The following CD83 variants were observed in gnomAD, a reference collection of about 807,000 sequenced individuals.
CD83 encodes the protein CD83 molecule.
Under a neutral mutation model 24.6 loss-of-function variants are expected in CD83, and 22 were observed. That is an observed-to-expected ratio of 0.90 (90% confidence interval 0.64 to 1.28). The LOEUF is 1.28. Among genes scored for constraint, CD83 ranks in the 50% most tolerant of loss-of-function variants. CD83 has a pLI of 0.00. For synonymous variants in CD83, 101 were observed against 103.5 expected (o/e 0.98, Z 0.14); for missense variants, 253 against 252.8 (o/e 1.00, Z -0.01).
At chr6:14,120,730 A>G (rs1426574068) in intron 2 of CD83, among the ~76,000 whole-genome samples, 1 of 152,248 alleles carries the variant, frequency 6.6e-6, no homozygotes, top group Non-Finnish European at 1.5e-5. Flanking sequence ...CTCCGGCACC[A>G]TGTAGCATCT....
chr6:14,131,729 G>C lies in CD83; in HGVS notation c.363G>C (p.Lys121Asn). 5.0e-6 allele frequency: 8 copies of C among 1,613,582 alleles called. No homozygotes were observed. Among genetic ancestry groups the C allele is most frequent in the Non-Finnish European group, 6.8e-6 (8 of 1,179,498 alleles). The change falls in exon 3 of 5, where the codon AAG becomes AAC. Residue 121 changes from lysine to asparagine, a missense_variant. Transcript: ENST00000379153. ...ATGGGCAGAGAAACCTAAGTGGCAA[G>C]GTGATCTTGAGAGTGACAGGTGAGG... is the stretch of plus-strand genomic sequence containing the variant. ...DPDGQRNLSG[K>N]VILRVTGCPA... is the part of the protein sequence containing the mutation.
intron 2 of CD83, among the ~76,000 whole-genome samples, chr6:14,128,268 C>T (rs2113396947): frequency 6.6e-6 from 1 of 152,298 alleles, no homozygotes; most frequent in African/African-American, 2.4e-5. Flanking sequence ...AGCTGCCTGG[C>T]CACGTATCTG....
In CD83 at chr6:14,117,806, C is replaced by T. The variant is rs1759568283; in HGVS notation, c.-6C>T. On this transcript the variant is annotated 5_prime_UTR_variant, in exon 1 of 5. Transcript: ENST00000379153. This position sits in a 1 kb window ranked among gnomAD's most constrained non-coding sequence, Gnocchi z 4.6. ...CAGCTCGTGGCAGCGGCGCAGCGCT[C>T]CAGCCATGTCGCGCGGCCTCCAGCT... 10 of 1,550,060 alleles carry T rather than the reference C, an allele frequency of 6.5e-6. No individual in the cohort carries two copies. The highest frequency in any genetic ancestry group is 8.7e-6 in the Non-Finnish European group (10 of 1,155,036).
At chr6:14,131,798 T>C in intron 3 of CD83, 50 bp downstream of exon 3, 1 of 1,231,190 alleles carries the variant, frequency 8.1e-7, no homozygotes, top group Non-Finnish European at 1.2e-6. Context: ...GCATGTGTAC[T>C]TCCTTTAGGT....
At position 14,135,405 on chromosome 6, in the gene CD83, C is replaced by A; in HGVS notation, c.*169C>A. 1 of 679,348 alleles carries A rather than the reference C, an allele frequency of 1.5e-6. No homozygotes were observed. The highest frequency in any genetic ancestry group is 2.9e-5 in the Admixed American group (1 of 34,120). The allele number at this position is 679,348 out of a possible 1,614,324, so 42.1% of individuals were successfully genotyped here. On this transcript the variant is annotated 3_prime_UTR_variant, in exon 5 of 5. Coordinates refer to ENST00000379153, the MANE Select transcript of CD83 (RefSeq NM_004233.4). ...TCCCACCCCATTTTCTGTGGGCAGG[C>A]CTCGAAAACCATCACATGACCACAT...
rs1228539502 is a variant in CD83 at position 14,136,210 on chromosome 6, T to A, written c.*974T>A. 1 of 152,212 alleles carries A rather than the reference T, an allele frequency of 6.6e-6. No homozygotes were observed. Among genetic ancestry groups the A allele is most frequent in the Admixed American group, 6.5e-5 (1 of 15,280 alleles). The allele number at this position is 152,212 out of a possible 1,614,324, so 9.4% of individuals were successfully genotyped here. ...TACGTGAAAATTATTTGAAAACATA[T>A]AAAGCACTATACAGATTCGAAACTC... On this transcript the variant is annotated 3_prime_UTR_variant, in exon 5 of 5. Coordinates refer to ENST00000379153, the MANE Select transcript of CD83 (RefSeq NM_004233.4).
chr6:14,125,185 A>G (rs969857778), intron 2 of CD83, among the ~76,000 whole-genome samples: 2 of 152,178 alleles, frequency 1.3e-5, no homozygotes, highest in African/African-American at 2.4e-5. Flanking sequence ...ATACATTTCT[A>G]TTGTTTCAGC....
intron 2 of CD83, among the ~76,000 whole-genome samples, chr6:14,131,292 A>G (rs1757892198): frequency 6.6e-6 from 1 of 152,182 alleles, no homozygotes; most frequent in Non-Finnish European, 1.5e-5. Context: ...GGAAATTGGG[A>G]TACTTATGAT....
Position 14,136,187 on chromosome 6 carries a change from C to T in CD83, c.*951C>T, listed in dbSNP as rs771243517. ...TGCATGGGCTAATGAAGATCATATA[C>T]GTGAAAATTATTTGAAAACATATAA... On this transcript the variant is annotated 3_prime_UTR_variant, in exon 5 of 5. Transcript: ENST00000379153. 1.1e-4 allele frequency: 16 copies of T among 152,320 alleles called. No homozygotes were observed. Among genetic ancestry groups the T allele is most frequent in the Middle Eastern group, 3.4e-3 (1 of 294 alleles). The allele number at this position is 152,320 out of a possible 1,614,324, so 9.4% of individuals were successfully genotyped here.
Position 14,117,886 on chromosome 6 carries a change from C to A in CD83, c.37+38C>A, listed in dbSNP as rs369115814. 3 of 1,578,176 alleles carry A rather than the reference C, an allele frequency of 1.9e-6. No homozygotes were observed. The highest frequency in any genetic ancestry group is 1.3e-5 in the African/African-American group (1 of 74,374). ...AGCGCCTGTCTCGCCTGTCGCCCCC[C>A]GCCCCTCCACGACACCCCCTCCCGT... is the stretch of plus-strand genomic sequence containing the variant. On this transcript the variant is annotated intron_variant, in intron 1 of 4. Transcript: ENST00000379153. The surrounding 1 kb of genome is among the most constrained non-coding windows in gnomAD (Gnocchi z 4.6).
chr6:14,134,251 A>T (rs1757990606), intron 4 of CD83, among the ~76,000 whole-genome samples: 1 of 152,226 alleles, frequency 6.6e-6, no homozygotes, highest in African/African-American at 2.4e-5. Flanking sequence ...TTAAGAATTA[A>T]TCCCAAGAAG....
chr6:14,117,297 C>T (rs1759548385), upstream of CD83: 1 of 152,176 alleles, frequency 6.6e-6, no homozygotes, highest in Non-Finnish European at 1.5e-5. The surrounding 1 kb of genome is among the most constrained non-coding windows in gnomAD (Gnocchi z 4.6). Context: ...CTTGGGTTCA[C>T]CAGTGCGTTC....
chr6:14,117,462 C>T (rs769803447), upstream of CD83, among the ~76,000 whole-genome samples: 16 of 151,818 alleles, frequency 1.1e-4, no homozygotes, highest in African/African-American at 1.9e-4. The surrounding 1 kb of genome is among the most constrained non-coding windows in gnomAD (Gnocchi z 4.6). Context: ...GTCTGCAAAG[C>T]CCCCAGCGCT....
chr6:14,128,619 G>T (rs1324329064), intron 2 of CD83, among the ~76,000 whole-genome samples: 1 of 152,178 alleles, frequency 6.6e-6, no homozygotes, highest in Middle Eastern at 3.2e-3. Context: ...TTAGGAAAAG[G>T]GGTGTTTGGA....
Position 14,136,866 on chromosome 6 carries a change from CAT to C in CD83, c.*1634_*1635del, listed in dbSNP as rs1460833760. 2 of 152,022 alleles carry C rather than the reference CAT, an allele frequency of 1.3e-5. No individual in the cohort carries two copies. The highest frequency in any genetic ancestry group is 4.8e-5 in the African/African-American group (2 of 41,374). 9.4% of individuals were successfully genotyped at this position (152,022 alleles called of 1,614,324 possible). Reference sequence around the variant, plus strand: ...TAAAATGAAAGTTAAAAATAAAAAACATATACAAATAAAAAAATCCCGACTTT... The same window carrying C: ...TAAAATGAAAGTTAAAAATAAAAAACATACAAATAAAAAAATCCCGACTTT... On this transcript the variant is annotated 3_prime_UTR_variant, in exon 5 of 5. Transcript: ENST00000379153.
chr6:14,128,445 A>G (rs538860938), intron 2 of CD83, among the ~76,000 whole-genome samples: 11 of 152,322 alleles, frequency 7.2e-5, no homozygotes, highest in Admixed American at 3.3e-4. Context: ...CTGAAAATGT[A>G]TATACCTAAA....
chr6:14,117,651 C>CT (rs1248487063), upstream of CD83: 1 of 413,632 alleles, frequency 2.4e-6, no homozygotes, highest in East Asian at 3.7e-5. The surrounding 1 kb of genome is among the most constrained non-coding windows in gnomAD (Gnocchi z 4.6). Flanking sequence ...GCGCCCCGGC[C>CT]TAAGCGGGAC....
intron 2 of CD83, among the ~76,000 whole-genome samples, chr6:14,122,449 A>C (rs1044920736): frequency 6.6e-6 from 1 of 152,206 alleles, no homozygotes; most frequent in Non-Finnish European, 1.5e-5. Flanking sequence ...GTTGGGGCAG[A>C]TGTAATCTGT....
chr6:14,128,392 A>G (rs944775062), intron 2 of CD83, among the ~76,000 whole-genome samples: 2 of 152,202 alleles, frequency 1.3e-5, no homozygotes, highest in African/African-American at 2.4e-5. Context: ...AGCTGTGGAT[A>G]AACCCCAAAT....
Sources: gnomAD v4.1 joint callset for allele counts (sites outside exome capture counted in the v4.1 genomes callset) on GRCh38, gnomAD v4.1.1 for gene constraint, Gnocchi (gnomAD v3.1) non-coding constraint, MANE v1.5 for transcripts, NCBI Gene and HGNC (gene_info 2026-07-23, HGNC 2026-07-21) for gene names.